Variants in FAM13B observed in about 807,000 individuals in gnomAD.
FAM13B encodes protein FAM13B.
In FAM13B, 60 loss-of-function variants were observed where a neutral mutation model predicts 117.3. That is an observed-to-expected ratio of 0.51 (90% CI 0.42 to 0.63). FAM13B has a LOEUF of 0.63. Ranked by LOEUF, FAM13B falls within the 30% of genes least tolerant of loss-of-function variation. The probability of loss-of-function intolerance (pLI) is 0.00; values close to 1 mark genes in which losing one functional copy is unlikely to be tolerated. For missense variants in FAM13B, 972 were observed against 1,091.9 expected (o/e 0.89, Z 1.55); for synonymous variants, 332 against 356.1 (o/e 0.93, Z 0.76).
chr5:137,999,116 T>TC (rs1780559619), intron 7 of FAM13B, among the ~76,000 whole-genome samples: 1 of 151,630 alleles, frequency 6.6e-6, no homozygotes, highest in Non-Finnish European at 1.5e-5. Flanking sequence ...TTTTTTTTTT[T>TC]TGTCTTTTTT....
At chr5:137,995,487 T>C (rs1168508932) in intron 7 of FAM13B, among the ~76,000 whole-genome samples, 11 of 152,204 alleles carry the variant, frequency 7.2e-5, no homozygotes, top group Admixed American at 5.2e-4. Context: ...AGAAAAGCAT[T>C]TATGGTTAAC....
At chr5:137,987,343 C>T in intron 9 of FAM13B, 118 bp downstream of exon 9, 1 of 929,828 alleles carries the variant, frequency 1.1e-6, no homozygotes, top group Non-Finnish European at 1.6e-6. Flanking sequence ...AGTCACTTTT[C>T]ACAAACAACT....
chr5:137,954,321 C>T lies in FAM13B; in HGVS notation c.1563G>A (p.Gln521=), dbSNP rs548281443. ...WQEDSESGEA[Q]LSPQAGRMNH... ...TCATTCTTCCAGCTTGTGGAGACAG[C>T]TGAGCTTCTCCAGACTCAGAGTCCT... The change falls in exon 15 of 24, where the codon CAG becomes CAA. Residue 521 remains glutamine (Q), a synonymous_variant. Coordinates refer to ENST00000689681, the MANE Select transcript of FAM13B (RefSeq NM_001385994.1). 1 of 1,613,990 alleles carries T rather than the reference C, an allele frequency of 6.2e-7. No homozygotes were observed. The highest frequency in any genetic ancestry group is 1.3e-5 in the African/African-American group (1 of 74,982).
At chr5:137,980,698 C>G (rs1211292190) in intron 10 of FAM13B, among the ~76,000 whole-genome samples, 1 of 152,008 alleles carries the variant, frequency 6.6e-6, no homozygotes, top group Non-Finnish European at 1.5e-5. Context: ...CCTCAGCCTC[C>G]CAAAGTGCTA....
chr5:138,003,097 T>C (rs571197974), intron 7 of FAM13B, among the ~76,000 whole-genome samples: 6 of 152,254 alleles, frequency 3.9e-5, no homozygotes, highest in African/African-American at 1.4e-4. Context: ...GACACACCTA[T>C]AAACAACTTC....
chr5:138,000,936 C>CAAAAAAAAAAAAA (rs1561514177), intron 7 of FAM13B, among the ~76,000 whole-genome samples: 1 of 135,770 alleles, frequency 7.4e-6, no homozygotes, highest in Non-Finnish European at 1.6e-5. Flanking sequence ...TCTCAAAAAA[C>CAAAAAAAAAAAAA]AAAAAACAAA....
At chr5:137,998,492 C>T (rs917617429) in intron 7 of FAM13B, among the ~76,000 whole-genome samples, 3 of 152,156 alleles carry the variant, frequency 2.0e-5, no homozygotes, top group East Asian at 1.9e-4. Context: ...ACTTTTATTA[C>T]GGAATACCAT....
intron 4 of FAM13B, among the ~76,000 whole-genome samples, chr5:138,013,970 T>C (rs1581253573): frequency 6.6e-6 from 1 of 152,144 alleles, no homozygotes; most frequent in Admixed American, 6.5e-5. Flanking sequence ...AGACAGGCTG[T>C]CGCTCCAGGC....
chr5:138,039,874 A>G (rs573690407), intron 1 of FAM13B: 31 of 152,260 alleles, frequency 2.0e-4, no homozygotes, highest in African/African-American at 7.2e-4. Context: ...GTATATAACA[A>G]TTTACAGAAG....
chr5:138,025,321 T>TTG (rs1561544189), intron 1 of FAM13B, among the ~76,000 whole-genome samples: 19 of 121,892 alleles, frequency 1.6e-4, no homozygotes, highest in South Asian at 6.1e-4. Context: ...GTATTTTTTT[T>TTG]TTTTTTTTTT....
At chr5:137,971,447 G>A (rs1364258091) in intron 10 of FAM13B, among the ~76,000 whole-genome samples, 1 of 148,972 alleles carries the variant, frequency 6.7e-6, no homozygotes, top group East Asian at 2.0e-4. Context: ...GAATCTCTGG[G>A]ACACATTCAA....
At chr5:137,979,313 G>A (rs1452277077) in intron 10 of FAM13B, among the ~76,000 whole-genome samples, 4 of 151,990 alleles carry the variant, frequency 2.6e-5, no homozygotes, top group Non-Finnish European at 4.4e-5. Flanking sequence ...ATGCCCACCA[G>A]CTCAGATATT....
intron 15 of FAM13B, 69 bp from the exon 16 acceptor site, chr5:137,953,534 A>T: frequency 2.7e-6 from 4 of 1,468,174 alleles, no homozygotes; most frequent in Non-Finnish European, 3.8e-6. Flanking sequence ...TATTGCCCTG[A>T]CATGGCACTA....
intron 10 of FAM13B, among the ~76,000 whole-genome samples, chr5:137,975,000 CG>C (rs1313701002): frequency 1.7e-4 from 26 of 151,890 alleles, no homozygotes; most frequent in Admixed American, 1.7e-3. Context: ...TCATTTCTTA[CG>C]GTTTTTTCTG....
At chr5:138,003,729 C>G (rs897786717) in intron 7 of FAM13B, among the ~76,000 whole-genome samples, 2 of 152,184 alleles carry the variant, frequency 1.3e-5, no homozygotes, top group Non-Finnish European at 2.9e-5. Flanking sequence ...CAGACCCTCT[C>G]CCGACCACCC....
chr5:138,020,877 T>C (rs1022194418), intron 2 of FAM13B, 154 bp downstream of exon 2: 1 of 419,698 alleles, frequency 2.4e-6, no homozygotes, highest in Non-Finnish European at 3.9e-6. Flanking sequence ...TACATTTACA[T>C]AGTCTCAGAC....
intron 10 of FAM13B, among the ~76,000 whole-genome samples, chr5:137,976,018 C>T (rs1164635094): frequency 1.6e-5 from 2 of 123,006 alleles, no homozygotes; most frequent in Admixed American, 2.1e-4. Context: ...CTCTGTTGCC[C>T]AGGCTGGAGT....
At chr5:137,950,985 T>C (rs554861570) in intron 17 of FAM13B, among the ~76,000 whole-genome samples, 73 of 152,136 alleles carry the variant, frequency 4.8e-4, no homozygotes, top group Non-Finnish European at 8.7e-4. Flanking sequence ...GGCAGACAGA[T>C]GGCTTGAGCC....
Position 137,987,583 on chromosome 5 carries a change from T to G in FAM13B, c.924A>C (p.Glu308Asp). 1 of 1,612,726 alleles carries G rather than the reference T, an allele frequency of 6.2e-7. No individual in the cohort carries two copies. Among genetic ancestry groups the G allele is most frequent in the Non-Finnish European group, 8.5e-7 (1 of 1,179,502 alleles). ...TGCTCTGAAGATCAAAAAGGTGCTGTTCCACAGCTGCTCTAATTGTTCTTT... is the reference window on the plus strand; with the variant it reads ...TGCTCTGAAGATCAAAAAGGTGCTGGTCCACAGCTGCTCTAATTGTTCTTT... ...ILERTIRAAV[E>D]QHLFDLQSSI... Residue 308 changes from glutamate to aspartate, a missense_variant, in exon 9 of 24, where the codon GAA becomes GAC. Transcript: ENST00000689681.
Sources: gnomAD v4.1 joint callset for allele counts (sites outside exome capture counted in the v4.1 genomes callset) on GRCh38, gnomAD v4.1.1 for gene constraint, MANE v1.5 for transcripts, NCBI Gene and HGNC (gene_info 2026-07-23, HGNC 2026-07-21) for gene names.